LAMA4: variants seen among roughly 807,000 people sequenced by gnomAD.
LAMA4 encodes the protein laminin subunit alpha 4.
LAMA4 carries 127 observed loss-of-function variants against 207.1 expected under a neutral mutation model. The ratio of observed to expected loss-of-function variants is 0.61; its 90% confidence interval spans 0.53 to 0.71. LAMA4 has a LOEUF of 0.71. Among genes scored for constraint, LAMA4 ranks in the 30% least tolerant of loss-of-function variants. The pLI, the probability that LAMA4 is intolerant of heterozygous loss-of-function variation, is 0.00. For synonymous variants in LAMA4, 761 were observed against 816.0 expected (o/e 0.93, Z 1.15); for missense variants, 2,093 against 2,246.5 (o/e 0.93, Z 1.38).
intron 2 of LAMA4, among the ~76,000 whole-genome samples, chr6:112,251,831 T>A (rs188014362): frequency 6.6e-6 from 1 of 152,356 alleles, no homozygotes; most frequent in East Asian, 1.9e-4. Context: ...CTTCCTGGAA[T>A]GACTAATATC....
At chr6:112,187,679 C>T (rs1236033263) in intron 7 of LAMA4, 78 bp from the exon 8 acceptor site, 1 of 1,390,246 alleles carries the variant, frequency 7.2e-7, no homozygotes, top group Non-Finnish European at 1.0e-6. Flanking sequence ...ACATAAATCT[C>T]TATTTCCTTG....
At chr6:112,231,514 A>G (rs1785559931) in intron 2 of LAMA4, among the ~76,000 whole-genome samples, 1 of 152,080 alleles carries the variant, frequency 6.6e-6, no homozygotes, top group African/African-American at 2.4e-5. Flanking sequence ...GAAATAGACC[A>G]CGAAGCAAAT....
chr6:112,111,659 C>A (rs1383915062), intron 38 of LAMA4, among the ~76,000 whole-genome samples: 1 of 152,198 alleles, frequency 6.6e-6, no homozygotes, highest in African/African-American at 2.4e-5. Context: ...GGCTTGCTGG[C>A]ATAATTCTTA....
intron 10 of LAMA4, among the ~76,000 whole-genome samples, chr6:112,176,607 T>C (rs1192550844): frequency 6.6e-6 from 1 of 152,240 alleles, no homozygotes; most frequent in Non-Finnish European, 1.5e-5. Flanking sequence ...AAGTAAAGTC[T>C]AAAATATTAA....
At chr6:112,247,523 A>C (rs6932642) in intron 2 of LAMA4, among the ~76,000 whole-genome samples, 2,677 of 152,264 alleles carry the variant, frequency 0.018, 85 homozygotes, top group African/African-American at 0.062. Flanking sequence ...AGACACAACA[A>C]AACAAAACAA....
chr6:112,180,292 G>A (rs578117586), intron 9 of LAMA4, among the ~76,000 whole-genome samples: 60 of 152,172 alleles, frequency 3.9e-4, no homozygotes, highest in Non-Finnish European at 7.8e-4. Context: ...AAACGCCAGA[G>A]GGCGCTAAGA....
chr6:112,195,291 T>C (rs994468834), intron 5 of LAMA4, among the ~76,000 whole-genome samples: 9 of 152,178 alleles, frequency 5.9e-5, no homozygotes, highest in Non-Finnish European at 1.5e-5. Flanking sequence ...TCCACTTCTT[T>C]ATGAAAGACT....
In LAMA4 at chr6:112,253,958, C is replaced by T. The variant is rs1787662565; in HGVS notation, c.193G>A (p.Glu65Lys). Residue 65 changes from glutamate to lysine, a missense_variant and splice_region_variant, in exon 2 of 39, where the codon GAG becomes AAG. Glu to Lys is a moderately conservative substitution (Grantham distance 56, BLOSUM62 1). This residue lies in a region of LAMA4 where 1,704 missense variants were observed against 1,788.4 expected (regional missense o/e 0.95). Coordinates refer to ENST00000230538, the MANE Select transcript of LAMA4 (RefSeq NM_001105206.3). The stretch of plus-strand genomic sequence containing the variant: ...TGGCAATGGCAGGGACACTGTACCT[C>T]GGCCGCAGGCGGCAGGCGTCCCAGA... ...VALGRLPPAAEKCNAGFFHTL... is the reference protein window; with the variant it reads ...VALGRLPPAAKKCNAGFFHTL... 1 of 1,592,820 alleles carries T rather than the reference C, an allele frequency of 6.3e-7. No homozygotes were observed. Among genetic ancestry groups the T allele is most frequent in the Non-Finnish European group, 8.6e-7 (1 of 1,169,098 alleles).
At chr6:112,119,970 A>G (rs61459671) in intron 33 of LAMA4, among the ~76,000 whole-genome samples, 9,631 of 152,268 alleles carry the variant, frequency 0.063, 983 homozygotes, top group African/African-American at 0.22. Context: ...AATAAAAGAC[A>G]CTCAATAATA....
At chr6:112,139,339 G>T (rs2072019) in intron 23 of LAMA4, 48 bp from the exon 24 acceptor site, 3 of 1,599,798 alleles carry the variant, frequency 1.9e-6, no homozygotes, top group East Asian at 4.5e-5. Context: ...TTTCTGTTAT[G>T]CTTTTCAAGT....
At chr6:112,145,042 A>G (rs1779937928) in intron 18 of LAMA4, 109 bp from the exon 19 acceptor site, 1 of 1,087,546 alleles carries the variant, frequency 9.2e-7, no homozygotes, top group South Asian at 1.4e-5. Context: ...AAGAGAAATG[A>G]TTTTTAATCC....
intron 7 of LAMA4, 137 bp downstream of exon 7, chr6:112,188,973 T>C: frequency 1.5e-6 from 1 of 681,528 alleles, no homozygotes; most frequent in Non-Finnish European, 2.7e-6. Flanking sequence ...CTCCATTTGC[T>C]GAGGTGCAGA....
At chr6:112,142,424 C>T (rs1779755175) in intron 19 of LAMA4, 132 bp from the exon 20 acceptor site, 1 of 828,084 alleles carries the variant, frequency 1.2e-6, no homozygotes, top group Admixed American at 1.8e-5. Context: ...TTACCACATC[C>T]TCCCCTAGTT....
At position 112,108,215 on chromosome 6, in the gene LAMA4, C is replaced by A. The variant is rs1416142186; in HGVS notation, c.*1222G>T. 2.0e-5 allele frequency among the ~76,000 whole-genome samples: 3 copies of A among 151,952 alleles called. No individual in the cohort carries two copies. Among genetic ancestry groups the A allele is most frequent in the Non-Finnish European group, 2.9e-5 (2 of 67,962 alleles). On this transcript the variant is annotated 3_prime_UTR_variant, in exon 39 of 39. Coordinates refer to ENST00000230538, the MANE Select transcript of LAMA4 (RefSeq NM_001105206.3). ...TTACTCCTTTTATGTATTGTTAATT[C>A]TGTTGATATCAGGGCCTATTTTCTC...
chr6:112,141,243 T>C, intron 21 of LAMA4, 115 bp downstream of exon 21: 1 of 1,048,968 alleles, frequency 9.5e-7, no homozygotes, highest in Non-Finnish European at 1.5e-6. Flanking sequence ...AAATGCTATT[T>C]ATAACATCCA....
chr6:112,203,204 G>T (rs782095330), intron 4 of LAMA4, among the ~76,000 whole-genome samples: 1 of 152,164 alleles, frequency 6.6e-6, no homozygotes, highest in Non-Finnish European at 1.5e-5. Flanking sequence ...TCAGCCCACT[G>T]TAACCACTGT....
intron 31 of LAMA4, among the ~76,000 whole-genome samples, chr6:112,127,117 T>C (rs1274012087): frequency 6.6e-6 from 1 of 152,188 alleles, no homozygotes; most frequent in Non-Finnish European, 1.5e-5. Context: ...TGTGTATGTA[T>C]TGAACACCTA....
At chr6:112,197,345 C>T (rs74479851) in intron 5 of LAMA4, among the ~76,000 whole-genome samples, 2,802 of 151,942 alleles carry the variant, frequency 0.018, 44 homozygotes, top group Middle Eastern at 0.058. Flanking sequence ...GGCAGGTGGG[C>T]GTGTTTGAGC....
intron 18 of LAMA4, 85 bp from the exon 19 acceptor site, chr6:112,145,018 C>T: frequency 1.6e-6 from 2 of 1,223,294 alleles, no homozygotes; most frequent in Non-Finnish European, 2.3e-6. Flanking sequence ...ACATGGATTA[C>T]ATATGGTAGA....
Sources: allele counts gnomAD v4.1 joint callset (sites outside exome capture counted in the v4.1 genomes callset), GRCh38; gene constraint gnomAD v4.1.1; regional missense constraint gnomAD v4.1.1; transcripts MANE v1.5; gene names NCBI Gene and HGNC (gene_info 2026-07-23, HGNC 2026-07-21).